The following SRRM4 variants were observed in gnomAD, a reference collection of about 807,000 sequenced individuals.
SRRM4 encodes the protein serine/arginine repetitive matrix protein 4.
A neutral mutation model predicts 68.9 loss-of-function variants in SRRM4; 33 were observed. That is an observed-to-expected ratio of 0.48 (90% CI 0.36 to 0.64). SRRM4 has a LOEUF of 0.64. Ranked by LOEUF, SRRM4 falls within the 30% of genes least tolerant of loss-of-function variation. The probability of loss-of-function intolerance (pLI) is 0.00; values close to 1 mark genes in which losing one functional copy is unlikely to be tolerated. For synonymous variants in SRRM4, 318 were observed against 318.8 expected (o/e 1.00, Z 0.03); for missense variants, 817 against 827.1 (o/e 0.99, Z 0.15).
chr12:119,072,767 T>A (rs1445963160), intron 1 of SRRM4, among the ~76,000 whole-genome samples: 1 of 152,172 alleles, frequency 6.6e-6, no homozygotes, highest in Non-Finnish European at 1.5e-5. Flanking sequence ...CTAACTAGCT[T>A]GTTTTTGAGC....
chr12:119,159,419 C>G lies in SRRM4; in HGVS notation c.*2621C>G, dbSNP rs1181825032. On this transcript the variant is annotated 3_prime_UTR_variant, in exon 13 of 13. Transcript: ENST00000267260. ...CTTGTGAATGTCCCTTAGGGAGGCA[C>G]CAGATTGGAGACAGATGTGCTATCT... is the stretch of plus-strand genomic sequence containing the variant. 1 of 152,120 alleles carries G rather than the reference C, an allele frequency of 6.6e-6. No homozygotes were observed. Among genetic ancestry groups the G allele is most frequent in the Admixed American group, 6.6e-5 (1 of 15,258 alleles). The allele number at this position is 152,120 out of a possible 1,614,324, so 9.4% of individuals were successfully genotyped here.
intron 1 of SRRM4, among the ~76,000 whole-genome samples, chr12:119,075,299 A>C (rs555394275): frequency 1.2e-4 from 18 of 152,292 alleles, no homozygotes; most frequent in African/African-American, 4.3e-4. Context: ...AAAATTAATA[A>C]TTTTCTGATA....
chr12:119,153,846 G>T (rs930196399), intron 11 of SRRM4, among the ~76,000 whole-genome samples, 197 bp downstream of exon 11: 7 of 152,026 alleles, frequency 4.6e-5, no homozygotes, highest in Non-Finnish European at 1.0e-4. Flanking sequence ...AATGTCTCCA[G>T]CCCAAACAGT....
rs1244542672 is a variant in SRRM4 at position 119,152,677 on chromosome 12, ACT to A, written c.1281-859_1281-858del. Among the ~76,000 whole-genome samples the A allele has an allele frequency of 3.9e-5, 6 of 152,174 alleles. No homozygotes were observed. In the South Asian group the frequency reaches 1.2e-3, roughly 32 times the overall value. On this transcript the variant is annotated intron_variant, in intron 10 of 12. Transcript: ENST00000267260. ...GTATCCAAAAACAGGTTTCATCTTG[ACT>A]CTTTCTTATATCTCTCAATGCATAG...
At chr12:119,092,577 A>G (rs1236286684) in intron 1 of SRRM4, among the ~76,000 whole-genome samples, 1 of 150,870 alleles carries the variant, frequency 6.6e-6, no homozygotes, top group Non-Finnish European at 1.5e-5. Context: ...CCATGCAAAA[A>G]CTCTGTTGAT....
chr12:119,070,442 T>A (rs1463163116), intron 1 of SRRM4, among the ~76,000 whole-genome samples: 1 of 152,102 alleles, frequency 6.6e-6, no homozygotes, highest in Non-Finnish European at 1.5e-5. Flanking sequence ...ATTTCCAAAC[T>A]ATATTCTGTG....
chr12:119,160,132 C>T lies in SRRM4; in HGVS notation c.*3334C>T, dbSNP rs1001953744. The stretch of plus-strand genomic sequence containing the variant: ...GGTTTGGTGAGACTTTTGCAACATC[C>T]CTGGTTGTTTCCCTGGCAATGTGAC... On this transcript the variant is annotated 3_prime_UTR_variant, in exon 13 of 13. Coordinates refer to ENST00000267260, the MANE Select transcript of SRRM4 (RefSeq NM_194286.4). 13 of 152,164 alleles carry T rather than the reference C, an allele frequency of 8.5e-5. No homozygotes were observed. Among genetic ancestry groups the T allele is most frequent in the African/African-American group, 3.1e-4 (13 of 41,420 alleles). The allele number at this position is 152,164 out of a possible 1,614,324, so 9.4% of individuals were successfully genotyped here. A position where few individuals can be genotyped will look rare whatever the true frequency, so the allele number is the denominator to read the frequency against.
chr12:119,150,949 A>G (rs1216513320), intron 9 of SRRM4, 68 bp from the exon 10 acceptor site: 1 of 1,442,656 alleles, frequency 6.9e-7, no homozygotes, highest in Non-Finnish European at 9.6e-7. Context: ...CAAGGTAGGG[A>G]GGTATTCAAA....
At chr12:119,063,723 T>C (rs1251226502) in intron 1 of SRRM4, among the ~76,000 whole-genome samples, 4 of 152,194 alleles carry the variant, frequency 2.6e-5, no homozygotes, top group African/African-American at 4.8e-5. Context: ...TGGGAAATAT[T>C]ATGAGTAAGA....
At chr12:119,007,698 C>T (rs1953424263) in intron 1 of SRRM4, among the ~76,000 whole-genome samples, 1 of 152,166 alleles carries the variant, frequency 6.6e-6, no homozygotes, top group African/African-American at 2.4e-5. Flanking sequence ...GAAATAACAA[C>T]CAGAACTTGA....
At chr12:119,124,276 G>T (rs1954243281) in intron 6 of SRRM4, 2 of 152,178 alleles carry the variant, frequency 1.3e-5, no homozygotes, top group Non-Finnish European at 2.9e-5. Flanking sequence ...GTTCAGAGCT[G>T]CTTTAGCCCA....
rs1387561001 is a variant in SRRM4 at position 119,145,701 on chromosome 12, A to G, written c.1076+16A>G. 7 of 1,499,314 alleles carry G rather than the reference A, an allele frequency of 4.7e-6. No individual in the cohort carries two copies. Among genetic ancestry groups the G allele is most frequent in the African/African-American group, 1.4e-5 (1 of 70,916 alleles). The allele number at this position is 1,499,314 out of a possible 1,614,324, so 92.9% of individuals were successfully genotyped here. ...GAGAGTCAAGGTCAGTGCACCACAC[A>G]GGGTCGGGGGTAGACGGTCTCCCAC... On this transcript the variant is annotated intron_variant, in intron 9 of 12. Coordinates refer to ENST00000267260, the MANE Select transcript of SRRM4 (RefSeq NM_194286.4).
chr12:119,075,254 G>A (rs1452503163), intron 1 of SRRM4, among the ~76,000 whole-genome samples: 2 of 152,098 alleles, frequency 1.3e-5, no homozygotes, highest in Non-Finnish European at 2.9e-5. Context: ...GCCAGATATT[G>A]TTTCTTCTTA....
intron 1 of SRRM4, among the ~76,000 whole-genome samples, chr12:119,062,609 G>A (rs1483597720): frequency 6.6e-6 from 1 of 152,104 alleles, no homozygotes; most frequent in Non-Finnish European, 1.5e-5. Flanking sequence ...GCTTAAACAA[G>A]TTAAACCTTT....
intron 1 of SRRM4, among the ~76,000 whole-genome samples, chr12:119,054,299 T>C (rs577380843): frequency 3.3e-5 from 5 of 152,334 alleles, no homozygotes; most frequent in African/African-American, 1.2e-4. Flanking sequence ...GTAACACTTT[T>C]TGAGCACTCA....
At chr12:119,043,046 T>C (rs773081412) in intron 1 of SRRM4, among the ~76,000 whole-genome samples, 1 of 152,188 alleles carries the variant, frequency 6.6e-6, no homozygotes, top group Non-Finnish European at 1.5e-5. Context: ...ACTGGGTATA[T>C]ATCCAGAGGA....
At chr12:119,035,123 AAATT>A (rs1200692297) in intron 1 of SRRM4, among the ~76,000 whole-genome samples, 3 of 152,184 alleles carry the variant, frequency 2.0e-5, no homozygotes, top group Admixed American at 6.5e-5. Context: ...ATAAATTAAA[AAATT>A]AACCCTTGCA....
chr12:118,996,024 AT>A (rs1229666576), intron 1 of SRRM4, among the ~76,000 whole-genome samples: 2 of 152,136 alleles, frequency 1.3e-5, no homozygotes, highest in Admixed American at 1.3e-4. Flanking sequence ...CCATCTACCC[AT>A]CCATCCACCT....
intron 1 of SRRM4, among the ~76,000 whole-genome samples, chr12:119,017,855 G>A (rs937597516): frequency 1.3e-5 from 2 of 152,128 alleles, no homozygotes; most frequent in African/African-American, 4.8e-5. Flanking sequence ...CAATCTGGTA[G>A]CTCCACGCTG....
Sources: allele counts gnomAD v4.1 joint callset (sites outside exome capture counted in the v4.1 genomes callset), GRCh38; gene constraint gnomAD v4.1.1; transcripts MANE v1.5; gene names NCBI Gene and HGNC (gene_info 2026-07-23, HGNC 2026-07-21).